The following GMPS variants were observed in gnomAD, a reference collection of about 807,000 sequenced individuals.
The protein encoded by GMPS is guanosine monophosphate synthase.
Under a neutral mutation model 77.9 loss-of-function variants are expected in GMPS, and 15 were observed. That is an observed-to-expected ratio of 0.19 (90% CI 0.13 to 0.30). The LOEUF is 0.30. Among genes scored for constraint, GMPS ranks in the 10% least tolerant of loss-of-function variants. The probability of loss-of-function intolerance (pLI) is 1.00; values close to 1 mark genes in which losing one functional copy is unlikely to be tolerated. For missense variants in GMPS, 590 were observed against 838.8 expected, an observed-to-expected ratio of 0.70 and a Z score of 3.66; for synonymous variants, 224 against 275.9, an observed-to-expected ratio of 0.81 and a Z score of 1.86.
At chr3:155,906,105 C>T (rs1754874880) in intron 4 of GMPS, 55 bp from the exon 5 acceptor site, 3 of 1,038,708 alleles carry the variant, frequency 2.9e-6, no homozygotes, top group South Asian at 3.2e-5. Flanking sequence ...CAAAAGAACC[C>T]ATGAATCATG....
intron 1 of GMPS, among the ~76,000 whole-genome samples, chr3:155,885,124 T>A (rs1448886591): frequency 6.6e-6 from 1 of 152,254 alleles, no homozygotes; most frequent in Admixed American, 6.5e-5. Context: ...GAATACCTAC[T>A]AGCTTGAAAT....
At chr3:155,919,131 TA>T in intron 9 of GMPS, 101 bp from the exon 10 acceptor site, 1 of 590,752 alleles carries the variant, frequency 1.7e-6, no homozygotes, top group Non-Finnish European at 3.1e-6. Context: ...TCTGTTAGTC[TA>T]AGAAAAGTGG....
intron 11 of GMPS, 73 bp from the exon 12 acceptor site, chr3:155,925,168 A>C: frequency 7.6e-7 from 1 of 1,308,216 alleles, no homozygotes; most frequent in East Asian, 2.4e-5. Flanking sequence ...AATACATAAG[A>C]TAGTAGTAGA....
At position 155,938,267 on chromosome 3, in the gene GMPS, T is replaced by C. The variant is rs932704879; in HGVS notation, c.*575T>C. On this transcript the variant is annotated 3_prime_UTR_variant, in exon 16 of 16. Transcript: ENST00000496455. ...ATAAGATGGAAAAGCACCAGGAATTTGTTGATGTACTTTTGAATTTTATTT... is the reference window on the plus strand; with the variant it reads ...ATAAGATGGAAAAGCACCAGGAATTCGTTGATGTACTTTTGAATTTTATTT... 1 of 220,634 alleles carries C rather than the reference T, an allele frequency of 4.5e-6. No homozygotes were observed. Among genetic ancestry groups the C allele is most frequent in the Non-Finnish European group, 9.1e-6 (1 of 110,116 alleles). The allele number at this position is 220,634 out of a possible 1,614,324, so 13.7% of individuals were successfully genotyped here.
chr3:155,921,749 A>C (rs917581589), intron 10 of GMPS, among the ~76,000 whole-genome samples: 2 of 152,126 alleles, frequency 1.3e-5, no homozygotes, highest in Non-Finnish European at 2.9e-5. Flanking sequence ...CAATAATTGC[A>C]CCACTGCACT....
chr3:155,881,666 A>G (rs1259274179), intron 1 of GMPS, among the ~76,000 whole-genome samples: 1 of 152,220 alleles, frequency 6.6e-6, no homozygotes, highest in Admixed American at 6.5e-5. Context: ...TTTGTGGGTC[A>G]GCTGACATTG....
intron 15 of GMPS, 52 bp downstream of exon 15, chr3:155,936,562 A>G: frequency 9.8e-7 from 1 of 1,022,674 alleles, no homozygotes. Context: ...CTTACATTTT[A>G]TAATATGGTG....
chr3:155,897,273 A>G (rs1166360072), intron 2 of GMPS, among the ~76,000 whole-genome samples: 3 of 152,146 alleles, frequency 2.0e-5, no homozygotes, highest in East Asian at 1.9e-4. Context: ...CCCTTATTAT[A>G]GTAGTTTGAC....
intron 1 of GMPS, among the ~76,000 whole-genome samples, chr3:155,885,059 A>T (rs947890407): frequency 1.3e-5 from 2 of 152,236 alleles, no homozygotes; most frequent in Non-Finnish European, 2.9e-5. Context: ...AAGGAGGAAA[A>T]ATAATTGAAT....
At chr3:155,880,077 T>C (rs1193170064) in intron 1 of GMPS, among the ~76,000 whole-genome samples, 1 of 152,190 alleles carries the variant, frequency 6.6e-6, no homozygotes, top group Non-Finnish European at 1.5e-5. Flanking sequence ...ACCTTTAATT[T>C]TGAGGCTTAA....
chr3:155,925,428 G>A (rs948137972), intron 12 of GMPS, 62 bp downstream of exon 12: 19 of 1,332,406 alleles, frequency 1.4e-5, no homozygotes, highest in African/African-American at 3.0e-5. Flanking sequence ...TTCTTGAGAC[G>A]GAGTCTCACT....
intron 11 of GMPS, among the ~76,000 whole-genome samples, chr3:155,922,975 CAT>C (rs1159687258): frequency 2.6e-5 from 4 of 152,068 alleles, no homozygotes; most frequent in African/African-American, 9.7e-5. Context: ...AAAGGATTCT[CAT>C]AGATAGATTT....
chr3:155,910,229 A>G (rs1474577969), intron 5 of GMPS, among the ~76,000 whole-genome samples: 1 of 152,198 alleles, frequency 6.6e-6, no homozygotes, highest in Non-Finnish European at 1.5e-5. Context: ...CCTGGGCAAC[A>G]GAGCGAGACT....
At chr3:155,914,593 C>G in intron 8 of GMPS, 23 bp downstream of exon 8, 1 of 1,454,904 alleles carries the variant, frequency 6.9e-7, no homozygotes, top group Non-Finnish European at 9.3e-7. Context: ...TTAATATCCT[C>G]AACATGTACT....
chr3:155,897,467 T>C (rs887259789), intron 2 of GMPS, among the ~76,000 whole-genome samples: 1 of 152,210 alleles, frequency 6.6e-6, no homozygotes, highest in Non-Finnish European at 1.5e-5. Flanking sequence ...CTTTCTATTC[T>C]GCCGTCTTTT....
rs1755797609 is a variant in GMPS at position 155,937,828 on chromosome 3, A to G, written c.*136A>G. 3.4e-6 allele frequency: 2 copies of G among 592,882 alleles called. No individual in the cohort carries two copies. Among genetic ancestry groups the G allele is most frequent in the Admixed American group, 3.2e-5 (1 of 30,866 alleles). The allele number at this position is 592,882 out of a possible 1,614,324, so 36.7% of individuals were successfully genotyped here. On this transcript the variant is annotated 3_prime_UTR_variant, in exon 16 of 16. Transcript: ENST00000496455. ...TCTGAGTTCTCCACAGCAAAAATCTACGGCTTAAGAGCTGAGTTGGGGATA... is the reference window on the plus strand; with the variant it reads ...TCTGAGTTCTCCACAGCAAAAATCTGCGGCTTAAGAGCTGAGTTGGGGATA...
chr3:155,923,285 A>G (rs994538255), intron 11 of GMPS, among the ~76,000 whole-genome samples: 3 of 152,204 alleles, frequency 2.0e-5, no homozygotes, highest in Non-Finnish European at 4.4e-5. Flanking sequence ...ATTATCCAGA[A>G]ATTAGGACAA....
chr3:155,904,036 G>T, intron 4 of GMPS, 76 bp downstream of exon 4: 1 of 635,598 alleles, frequency 1.6e-6, no homozygotes, highest in Non-Finnish European at 2.7e-6. Context: ...TTAACAATTG[G>T]AGATTCTATA....
intron 1 of GMPS, among the ~76,000 whole-genome samples, chr3:155,893,258 G>GAT: frequency 6.6e-6 from 1 of 152,280 alleles, no homozygotes; most frequent in Middle Eastern, 3.4e-3. Context: ...ATGCATGTAA[G>GAT]ATATATATAC....
Sources: gnomAD v4.1 joint callset for allele counts (sites outside exome capture counted in the v4.1 genomes callset) on GRCh38, gnomAD v4.1.1 for gene constraint, MANE v1.5 for transcripts, NCBI Gene and HGNC (gene_info 2026-07-23, HGNC 2026-07-21) for gene names.